The following FAM107A variants were observed in gnomAD, a reference collection of about 807,000 sequenced individuals.
FAM107A encodes the protein family with sequence similarity 107 member A.
A neutral mutation model predicts 13.7 loss-of-function variants in FAM107A; 19 were observed. The observed-to-expected ratio is 1.38, with a 90% CI of 0.97 to 2.03. FAM107A has a LOEUF of 2.03. Among genes scored for constraint, FAM107A ranks in the 30% most tolerant of loss-of-function variants. The pLI is 0.00. For missense variants in FAM107A, 203 were observed against 184.4 expected (o/e 1.10, Z -0.58); for synonymous variants, 82 against 74.5 (o/e 1.10, Z -0.52).
intron 1 of FAM107A, among the ~76,000 whole-genome samples, chr3:58,622,546 C>T (rs1469673945): frequency 6.6e-6 from 1 of 152,206 alleles, no homozygotes; most frequent in Non-Finnish European, 1.5e-5. Flanking sequence ...TCTTCCCTCA[C>T]ACCTTGGGAT....
At chr3:58,626,849 G>A in intron 1 of FAM107A, 1 of 908,840 alleles carries the variant, frequency 1.1e-6, no homozygotes, top group East Asian at 2.7e-5. Flanking sequence ...TGAGTTCCAG[G>A]GGGAGGGCTG....
rs545200073 is a variant in FAM107A at position 58,605,359 on chromosome 3, C to T, written c.-69-16090G>A. Reference sequence around the variant, plus strand: ...ACCTGTGGGTCATGGGGGACCCCCACACAGATTTTGGGGCTCCCTATCTAT... The same window carrying T: ...ACCTGTGGGTCATGGGGGACCCCCATACAGATTTTGGGGCTCCCTATCTAT... On this transcript the variant is annotated intron_variant, in intron 1 of 3. Coordinates refer to the FAM107A transcript ENST00000465970. Among the ~76,000 whole-genome samples the T allele has an allele frequency of 1.4e-3, 220 of 152,340 alleles. 4 individuals carry two copies. The South Asian group carries it at 0.043, about 30-fold the overall frequency.
At chr3:58,625,932 G>A (rs755453488) in intron 1 of FAM107A, among the ~76,000 whole-genome samples, 13 of 152,228 alleles carry the variant, frequency 8.5e-5, no homozygotes, top group South Asian at 2.1e-4. Context: ...AGAGTCCCAT[G>A]TTTATCGGGG....
intron 1 of FAM107A, among the ~76,000 whole-genome samples, chr3:58,626,324 C>G (rs1443611956): frequency 9.9e-5 from 15 of 152,194 alleles, no homozygotes; most frequent in Non-Finnish European, 2.2e-4. Context: ...GAGCACATTT[C>G]CAGAAACAGT....
intron 1 of FAM107A, among the ~76,000 whole-genome samples, chr3:58,601,542 C>T (rs577616599): frequency 2.0e-5 from 3 of 152,288 alleles, no homozygotes; most frequent in South Asian, 4.1e-4. Context: ...GTGGTCCTAA[C>T]TGATGGATAT....
intron 1 of FAM107A, among the ~76,000 whole-genome samples, chr3:58,610,082 GACAGCAGCTGAATT>G (rs1199099340): frequency 6.6e-6 from 1 of 152,194 alleles, no homozygotes; most frequent in East Asian, 1.9e-4. Flanking sequence ...GACCTGAGGA[GACAGCAGCTGAATT>G]ACGTGCAGGA....
At chr3:58,571,240 T>G (rs1328692590) in intron 1 of FAM107A, among the ~76,000 whole-genome samples, 1 of 152,178 alleles carries the variant, frequency 6.6e-6, no homozygotes, top group East Asian at 1.9e-4. Context: ...GTGTTTGGCA[T>G]TTCTATGATG....
At chr3:58,587,196 GCC>G, upstream of FAM107A, 1 of 1,055,144 alleles carries the variant, frequency 9.5e-7, no homozygotes, top group Non-Finnish European at 1.2e-6. Context: ...AGGACTCCTA[GCC>G]CCGAGGTTCC....
rs933134632 is a variant in FAM107A at position 58,604,033 on chromosome 3, C to A, written c.-69-14764G>T. On this transcript the variant is annotated intron_variant, in intron 1 of 3. Transcript: ENST00000465970. This position sits in a 1 kb window ranked among gnomAD's most constrained non-coding sequence, Gnocchi z 4.1. ...GTGGGTGGAAGCCCTCCCAATAGCC[C>A]CTGCCCCACCAGATGCCCCTCCGCC... Among the ~76,000 whole-genome samples the A allele has an allele frequency of 2.0e-5, 3 of 152,164 alleles. No individual in the cohort carries two copies. Among genetic ancestry groups the A allele is most frequent in the African/African-American group, 7.2e-5 (3 of 41,444 alleles).
intron 1 of FAM107A, among the ~76,000 whole-genome samples, chr3:58,625,158 T>C (rs1323051395): frequency 6.6e-6 from 1 of 152,180 alleles, no homozygotes; most frequent in Non-Finnish European, 1.5e-5. Context: ...GGCAAGTGAC[T>C]GAACGGACCC....
intron 1 of FAM107A, among the ~76,000 whole-genome samples, chr3:58,616,351 C>A (rs1055854014): frequency 1.3e-5 from 2 of 151,826 alleles, no homozygotes. Flanking sequence ...GGGGGCCAGG[C>A]GTTATTGTTG....
upstream of FAM107A, among the ~76,000 whole-genome samples, chr3:58,590,958 C>T (rs569206101): frequency 2.0e-5 from 3 of 152,328 alleles, no homozygotes; most frequent in East Asian, 5.8e-4. Context: ...ATTGGGGACT[C>T]AAACCCACAT....
chr3:58,589,929 C>A (rs555417287), upstream of FAM107A, among the ~76,000 whole-genome samples: 1 of 152,282 alleles, frequency 6.6e-6, no homozygotes, highest in East Asian at 1.9e-4. Context: ...GGACTGCCTT[C>A]TTCTTACCTT....
At chr3:58,620,433 C>T (rs1287044427) in intron 1 of FAM107A, among the ~76,000 whole-genome samples, 1 of 152,230 alleles carries the variant, frequency 6.6e-6, no homozygotes, top group East Asian at 1.9e-4. Flanking sequence ...ATCTAAGCCC[C>T]TCACCCCATA....
intron 1 of FAM107A, among the ~76,000 whole-genome samples, chr3:58,606,653 C>T (rs1011606297): frequency 6.6e-6 from 1 of 152,240 alleles, no homozygotes; most frequent in African/African-American, 2.4e-5. Context: ...TCTGTTGGAC[C>T]TGAAACTCTT....
chr3:58,598,883 G>GT (rs949707444), intron 1 of FAM107A, among the ~76,000 whole-genome samples: 36 of 149,264 alleles, frequency 2.4e-4, no homozygotes, highest in Non-Finnish European at 4.0e-4. Flanking sequence ...ATGCCCCATG[G>GT]TTTTTTTTTT....
At chr3:58,591,620 G>T (rs144567654), upstream of FAM107A, among the ~76,000 whole-genome samples, 49 of 152,304 alleles carry the variant, frequency 3.2e-4, no homozygotes, top group African/African-American at 1.2e-3. The surrounding 1 kb of genome is among the most constrained non-coding windows in gnomAD (Gnocchi z 4.3). Flanking sequence ...CCCGCATTCT[G>T]CCTGGCTCAC....
At chr3:58,575,538 A>T (rs2063723678) in intron 1 of FAM107A, among the ~76,000 whole-genome samples, 1 of 152,210 alleles carries the variant, frequency 6.6e-6, no homozygotes, top group Non-Finnish European at 1.5e-5. Flanking sequence ...ATACACAGAG[A>T]GTAAGCAGCA....
intron 1 of FAM107A, among the ~76,000 whole-genome samples, chr3:58,625,741 G>A (rs1269765994): frequency 6.6e-6 from 1 of 152,198 alleles, no homozygotes; most frequent in African/African-American, 2.4e-5. Flanking sequence ...CCAGCCTCTC[G>A]GAATGGCCAC....
Sources: gnomAD v4.1 joint callset for allele counts (sites outside exome capture counted in the v4.1 genomes callset) on GRCh38, gnomAD v4.1.1 for gene constraint, Gnocchi (gnomAD v3.1) non-coding constraint, MANE v1.5 for transcripts, NCBI Gene and HGNC (gene_info 2026-07-23, HGNC 2026-07-21) for gene names.